VGLL1: variants seen among roughly 807,000 people sequenced by gnomAD.
The protein encoded by VGLL1 is transcription cofactor vestigial-like protein 1.
Under a neutral mutation model 12.0 loss-of-function variants are expected in VGLL1, and 4 were observed. The observed-to-expected ratio is 0.33, with a 90% CI of 0.16 to 0.76. The LOEUF is 0.76. VGLL1 is among the 30% of genes least tolerant of loss of function. VGLL1 has a pLI of 0.60. For missense variants in VGLL1, 204 were observed against 208.7 expected (o/e 0.98, Z 0.14); for synonymous variants, 87 against 81.2 (o/e 1.07, Z -0.39).
chrX:136,542,286 G>A (rs1165978714), intron 2 of VGLL1, among the ~76,000 whole-genome samples: 1 of 111,444 alleles, frequency 9.0e-6, no homozygotes, highest in Non-Finnish European at 1.9e-5. Context: ...AATACTGACA[G>A]TTTCCTGTCT....
intron 3 of VGLL1, among the ~76,000 whole-genome samples, chrX:136,549,293 G>T (rs1476817270): frequency 8.9e-6 from 1 of 111,800 alleles, no homozygotes; most frequent in Admixed American, 9.5e-5. Flanking sequence ...ATGATGGGCT[G>T]CTGCGTAATA....
At chrX:136,540,329 G>A (rs1000112802) in intron 2 of VGLL1, among the ~76,000 whole-genome samples, 1 of 111,038 alleles carries the variant, frequency 9.0e-6, no homozygotes, top group Non-Finnish European at 1.9e-5. Context: ...TGCCTCACCC[G>A]CTCCAGTCTA....
chrX:136,542,808 ACT>A (rs2075859999), intron 2 of VGLL1, among the ~76,000 whole-genome samples: 1 of 111,535 alleles, frequency 9.0e-6, no homozygotes, highest in Non-Finnish European at 1.9e-5. Flanking sequence ...GCCTTTGTAC[ACT>A]CTGACAATGC....
intron 4 of VGLL1, among the ~76,000 whole-genome samples, chrX:136,555,596 G>C (rs1360455584): frequency 8.1e-5 from 9 of 111,466 alleles, no homozygotes; most frequent in Non-Finnish European, 1.7e-4. Flanking sequence ...ATAAGAACAG[G>C]GGCTGTTCTG....
chrX:136,542,718 C>T (rs1170266467), intron 2 of VGLL1, among the ~76,000 whole-genome samples: 1 of 112,176 alleles, frequency 8.9e-6, no homozygotes, highest in Non-Finnish European at 1.9e-5. Flanking sequence ...AGAGATGGGT[C>T]ACACAGCCAG....
intron 2 of VGLL1, among the ~76,000 whole-genome samples, chrX:136,548,313 T>C (rs1412911618): frequency 8.9e-6 from 1 of 111,831 alleles, no homozygotes; most frequent in African/African-American, 3.3e-5. Flanking sequence ...TTCATTTCTA[T>C]AGGAGGCTTT....
chrX:136,532,655 TTCTTTCTTTTTC>T (rs2075828475), intron 1 of VGLL1, among the ~76,000 whole-genome samples: 1 of 93,775 alleles, frequency 1.1e-5, no homozygotes, highest in Non-Finnish European at 2.1e-5. Flanking sequence ...CTTTCTTTCT[TTCTTTCTTTTTC>T]TTTCTTTCTT....
rs191772171 is a variant in VGLL1, at chrX:136,552,607, T to A, written c.688+1786T>A. 3.5e-3 allele frequency among the ~76,000 whole-genome samples: 392 copies of A among 111,880 alleles called. 2 individuals are homozygous for A. The highest frequency in any genetic ancestry group is 5.8e-3 in the Non-Finnish European group (309 of 53,129). ...TAGTCCCCACCATGACCTTGTGAGG[T>A]GTATGTGAATATGTCCTAGGTGCTT... On this transcript the variant is annotated intron_variant, in intron 4 of 4. Coordinates refer to ENST00000370634, the MANE Select transcript of VGLL1 (RefSeq NM_016267.4).
At chrX:136,539,627 A>G (rs1331841518) in intron 2 of VGLL1, among the ~76,000 whole-genome samples, 2 of 111,133 alleles carry the variant, frequency 1.8e-5, no homozygotes, top group African/African-American at 6.5e-5. Flanking sequence ...TCTCTCTCCA[A>G]CTTCTAAACA....
At chrX:136,555,479 G>C (rs2075898669) in intron 4 of VGLL1, among the ~76,000 whole-genome samples, 1 of 111,632 alleles carries the variant, frequency 9.0e-6, no homozygotes, top group Admixed American at 9.5e-5. Flanking sequence ...AAATATTAGA[G>C]CCTCTTTGCA....
intron 4 of VGLL1, among the ~76,000 whole-genome samples, chrX:136,551,891 G>A (rs770923189): frequency 9.0e-6 from 1 of 110,508 alleles, no homozygotes; most frequent in Non-Finnish European, 1.9e-5. Flanking sequence ...GACTAGCCTG[G>A]GCAACATAGC....
At position 136,556,593 on chromosome X, in the gene VGLL1, CCTGCATATTGTTCCAGATAAAAATGAAAG is replaced by C; in HGVS notation, c.*59_*87del. 4 of 1,075,488 alleles carry C rather than the reference CCTGCATATTGTTCCAGATAAAAATGAAAG, an allele frequency of 3.7e-6. No individual in the cohort carries two copies. The African/African-American group carries it at 7.3e-5, about 20-fold the overall frequency. The allele number at this position is 1,075,488 out of a possible 1,213,427, so 88.6% of individuals were successfully genotyped here. On this transcript the variant is annotated 3_prime_UTR_variant, in exon 5 of 5. Coordinates refer to ENST00000370634, the MANE Select transcript of VGLL1 (RefSeq NM_016267.4). ...GTCTAAGACACGGCAGCAAGACATC[CCTGCATATTGTTCCAGATAAAAATGAAAG>C]CTGCTCACACCCACTTGCCTCCCCA...
chrX:136,540,639 C>T (rs1184229087), intron 2 of VGLL1, among the ~76,000 whole-genome samples: 1 of 112,176 alleles, frequency 8.9e-6, no homozygotes, highest in East Asian at 2.8e-4. Flanking sequence ...ACTCCTCTCT[C>T]CCCTTACCCT....
chrX:136,541,394 G>A (rs1345080401), intron 2 of VGLL1, among the ~76,000 whole-genome samples: 2 of 111,793 alleles, frequency 1.8e-5, no homozygotes, highest in Non-Finnish European at 3.8e-5. Context: ...TGCGGGCTAG[G>A]CAAATATTTG....
chrX:136,533,952 G>C (rs949785818), intron 1 of VGLL1, among the ~76,000 whole-genome samples: 12 of 112,270 alleles, frequency 1.1e-4, no homozygotes, highest in Non-Finnish European at 2.3e-4. Flanking sequence ...CTGTAAAATG[G>C]GGATAACAAT....
intron 1 of VGLL1, among the ~76,000 whole-genome samples, chrX:136,535,210 A>G (rs187878024): frequency 5.4e-4 from 61 of 112,022 alleles, no homozygotes; most frequent in Non-Finnish European, 1.0e-3. Context: ...GGGCAGTTCA[A>G]TACACAGCTA....
chrX:136,556,483 T>TCACTTACACC lies in VGLL1; in HGVS notation c.722_731dup (p.Pro245ThrfsTer43), dbSNP rs774814208. ...AGAGTTAGAGACACCTGGGAAATAC[T>TCACTTACACC]CACTTACACCACCAAACCACTGGGG... On this transcript the variant is annotated frameshift_variant, in exon 5 of 5. Transcript: ENST00000370634. LOFTEE classifies it high-confidence loss of function. 6 of 1,209,396 alleles carry TCACTTACACC rather than the reference T, an allele frequency of 5.0e-6. No homozygotes were observed. Among genetic ancestry groups the TCACTTACACC allele is most frequent in the Non-Finnish European group, 6.7e-6 (6 of 894,884 alleles).
At position 136,548,931 on chromosome X, in the gene VGLL1, C is replaced by T. The variant is rs867359633; in HGVS notation, c.557C>T (p.Ala186Val). The T allele has an allele frequency of 8.2e-7, 1 of 1,212,172 alleles. No homozygotes were observed. The highest frequency in any genetic ancestry group is 3.0e-5 in the East Asian group (1 of 33,859). ...CTAGCCCGTCCTCAGGAATCTGCCG[C>T]CAGGGAGAATGGCAACCCTGGCCAG... Reference protein sequence around the residue: ...RCLARPQESAARENGNPGQIA... With the variant: ...RCLARPQESAVRENGNPGQIA... Residue 186 changes from alanine to valine, a missense_variant, in exon 3 of 5, where the codon GCC becomes GTC. Physicochemically the swap from Ala to Val is moderately conservative, Grantham distance 64. Transcript: ENST00000370634.
intron 2 of VGLL1, among the ~76,000 whole-genome samples, chrX:136,544,749 C>A (rs1313896132): frequency 8.9e-6 from 1 of 112,147 alleles, no homozygotes; most frequent in African/African-American, 3.2e-5. Flanking sequence ...GGAATGGCCA[C>A]AGACTGAGCA....
Sources: allele counts gnomAD v4.1 joint callset (sites outside exome capture counted in the v4.1 genomes callset), GRCh38; gene constraint gnomAD v4.1.1; transcripts MANE v1.5; gene names NCBI Gene and HGNC (gene_info 2026-07-23, HGNC 2026-07-21).